ATP10D: variants seen among roughly 807,000 people sequenced by gnomAD.
The protein encoded by ATP10D is ATPase phospholipid transporting 10D (putative), also known as phospholipid-transporting ATPase VD.
ATP10D carries 89 observed loss-of-function variants against 144.8 expected under a neutral mutation model. The ratio of observed to expected loss-of-function variants is 0.61; its 90% CI spans 0.52 to 0.73. ATP10D has a LOEUF of 0.73. ATP10D is among the 30% of genes least tolerant of loss of function. ATP10D has a pLI of 0.00. For synonymous variants in ATP10D, 571 were observed against 615.1 expected (o/e 0.93, Z 1.06); for missense variants, 1,603 against 1,714.8 (o/e 0.93, Z 1.15).
chr4:47,567,497 T>C (rs1313282590), intron 15 of ATP10D, among the ~76,000 whole-genome samples: 1 of 152,254 alleles, frequency 6.6e-6, no homozygotes, highest in Non-Finnish European at 1.5e-5. Context: ...TTTATGTTAT[T>C]GTATGGTATT....
intron 9 of ATP10D, 21 bp from the exon 10 acceptor site, chr4:47,546,603 A>C: frequency 1.2e-6 from 2 of 1,602,672 alleles, no homozygotes; most frequent in Non-Finnish European, 1.7e-6. Context: ...ACATTGACTC[A>C]GTGTGCTTTT....
chr4:47,584,734 G>A (rs1213569858), intron 21 of ATP10D, among the ~76,000 whole-genome samples: 1 of 152,112 alleles, frequency 6.6e-6, no homozygotes, highest in African/African-American at 2.4e-5. Context: ...GAGCAAAATG[G>A]CTCAAATAGA....
At position 47,532,374 on chromosome 4, in the gene ATP10D, C is replaced by T. The variant is rs567456415; in HGVS notation, c.777-3135C>T. Among the ~76,000 whole-genome samples, 51 of 152,242 alleles carry T rather than the reference C, an allele frequency of 3.3e-4. 1 individual carries two copies. The highest frequency in any genetic ancestry group is 2.3e-3 in the South Asian group (11 of 4,818). ...CACTTGTGATGGCTCCTCTGATATC[C>T]GTTTGCTTTGAAATTTGCTGCTTTA... On this transcript the variant is annotated intron_variant, in intron 5 of 22. Coordinates refer to ENST00000273859, the MANE Select transcript of ATP10D (RefSeq NM_020453.4).
At chr4:47,502,992 A>C (rs762994362) in intron 1 of ATP10D, among the ~76,000 whole-genome samples, 64 of 152,100 alleles carry the variant, frequency 4.2e-4, no homozygotes, top group Non-Finnish European at 7.2e-4. Flanking sequence ...ACTTGAGGTC[A>C]GGAGTTTGAG....
At chr4:47,512,989 C>A in intron 2 of ATP10D, 159 bp downstream of exon 2, 1 of 685,194 alleles carries the variant, frequency 1.5e-6, no homozygotes, top group South Asian at 2.1e-5. Flanking sequence ...TGACTCCTCC[C>A]ATTCACGTAG....
intron 1 of ATP10D, among the ~76,000 whole-genome samples, chr4:47,492,737 C>T (rs954400307): frequency 2.2e-4 from 34 of 152,074 alleles, no homozygotes; most frequent in African/African-American, 6.7e-4. Context: ...AATACATTTT[C>T]GAAATTAATT....
chr4:47,545,956 T>C (rs1398618364), intron 9 of ATP10D, among the ~76,000 whole-genome samples: 1 of 151,982 alleles, frequency 6.6e-6, no homozygotes, highest in African/African-American at 2.4e-5. Context: ...CTTCTGCAGC[T>C]CTCCAGTATT....
chr4:47,498,810 A>G (rs891480266), intron 1 of ATP10D, among the ~76,000 whole-genome samples: 1 of 152,208 alleles, frequency 6.6e-6, no homozygotes, highest in Non-Finnish European at 1.5e-5. Context: ...ATTTTAGCTC[A>G]TTCTCCTTTA....
intron 3 of ATP10D, among the ~76,000 whole-genome samples, chr4:47,521,585 C>A (rs934309218): frequency 1.3e-5 from 2 of 152,138 alleles, no homozygotes; most frequent in African/African-American, 4.8e-5. Context: ...CAGGAGTTGG[C>A]AAACAGAAGT....
At chr4:47,485,600 C>G (rs1334056332) in intron 1 of ATP10D, 81 bp downstream of exon 1, 1 of 151,998 alleles carries the variant, frequency 6.6e-6, no homozygotes, top group Non-Finnish European at 1.5e-5. Context: ...CTGTTTCTCT[C>G]TCCTGTTTCT....
At chr4:47,535,828 G>A (rs1291543568) in intron 6 of ATP10D, 74 bp from the exon 7 acceptor site, 1 of 1,499,902 alleles carries the variant, frequency 6.7e-7, no homozygotes, top group East Asian at 2.4e-5. Flanking sequence ...GTCTGCAAGA[G>A]AGATTTTTAA....
chr4:47,499,664 T>C (rs1306552461), intron 1 of ATP10D, among the ~76,000 whole-genome samples: 1 of 152,232 alleles, frequency 6.6e-6, no homozygotes, highest in Non-Finnish European at 1.5e-5. Context: ...AGAAAATTTA[T>C]TTAAAATGCT....
chr4:47,574,248 C>T (rs1720109986), intron 18 of ATP10D, among the ~76,000 whole-genome samples: 1 of 152,234 alleles, frequency 6.6e-6, no homozygotes, highest in Admixed American at 6.5e-5. Flanking sequence ...ATATGGTATA[C>T]ACTCTCGAAG....
At chr4:47,542,653 AT>A (rs1718206027) in intron 9 of ATP10D, among the ~76,000 whole-genome samples, 2 of 151,120 alleles carry the variant, frequency 1.3e-5, no homozygotes, top group Non-Finnish European at 2.9e-5. Flanking sequence ...AATTTTGTGT[AT>A]TTTTAGTAGA....
At chr4:47,507,424 G>A (rs1437610591) in intron 1 of ATP10D, among the ~76,000 whole-genome samples, 1 of 152,136 alleles carries the variant, frequency 6.6e-6, no homozygotes, top group Admixed American at 6.6e-5. Flanking sequence ...TACACTAGAA[G>A]AGAAAATAAT....
intron 11 of ATP10D, among the ~76,000 whole-genome samples, chr4:47,555,928 A>C (rs1276889711): frequency 6.6e-6 from 1 of 151,930 alleles, no homozygotes; most frequent in African/African-American, 2.4e-5. Context: ...TAATTTTTGT[A>C]GTTTTAGTAG....
chr4:47,553,430 T>C (rs974035357), intron 10 of ATP10D, among the ~76,000 whole-genome samples: 2 of 152,244 alleles, frequency 1.3e-5, no homozygotes, highest in Non-Finnish European at 2.9e-5. Context: ...CAATGCTTTT[T>C]GACAGCAGGT....
chr4:47,569,671 A>G (rs545722927), intron 16 of ATP10D, among the ~76,000 whole-genome samples: 1 of 152,342 alleles, frequency 6.6e-6, no homozygotes, highest in African/African-American at 2.4e-5. Flanking sequence ...TCTGTAAGGT[A>G]TCAGGTAGTG....
At chr4:47,506,778 A>C (rs1716040406) in intron 1 of ATP10D, among the ~76,000 whole-genome samples, 1 of 152,208 alleles carries the variant, frequency 6.6e-6, no homozygotes, top group Admixed American at 6.6e-5. Flanking sequence ...TTCTCAAGAC[A>C]GGGTTCCTAT....
Sources: gnomAD v4.1 joint callset for allele counts (sites outside exome capture counted in the v4.1 genomes callset) on GRCh38, gnomAD v4.1.1 for gene constraint, MANE v1.5 for transcripts, NCBI Gene and HGNC (gene_info 2026-07-23, HGNC 2026-07-21) for gene names.